UBAC2: variants seen among roughly 807,000 people sequenced by gnomAD.
The protein encoded by UBAC2 is UBA domain containing 2, also known as ubiquitin-associated domain-containing protein 2.
In UBAC2, 26 loss-of-function variants were observed where a neutral mutation model predicts 44.0. The observed-to-expected ratio is 0.59, with a 90% CI of 0.43 to 0.82. UBAC2 has a LOEUF of 0.82. UBAC2 is among the 40% of genes least tolerant of loss of function. The pLI is 0.00. For synonymous variants in UBAC2, 155 were observed against 154.3 expected, an observed-to-expected ratio of 1.00 and a Z score of -0.04; for missense variants, 329 against 419.4, an observed-to-expected ratio of 0.78 and a Z score of 1.88.
In UBAC2 at chr13:99,349,208, G is replaced by C. The variant is rs546113592; in HGVS notation, c.807+8643G>C. On this transcript the variant is annotated intron_variant, in intron 7 of 8. Transcript: ENST00000403766. ...GCAACCTGAGTCTCCACAGCTTCAC[G>C]GTGCATGTCTCCCTCCCTTTGCTCG... Among the ~76,000 whole-genome samples the C allele has an allele frequency of 2.6e-5, 4 of 152,250 alleles. No homozygotes were observed. The South Asian group carries it at 6.2e-4, about 24-fold the overall frequency.
intron 4 of UBAC2, among the ~76,000 whole-genome samples, chr13:99,298,321 G>A (rs1315760810): frequency 6.6e-6 from 1 of 152,106 alleles, no homozygotes; most frequent in Non-Finnish European, 1.5e-5. Context: ...CTTGACTACA[G>A]TGCAGCTAAA....
intron 4 of UBAC2, among the ~76,000 whole-genome samples, chr13:99,251,519 A>G (rs1163250383): frequency 6.6e-6 from 1 of 152,182 alleles, no homozygotes; most frequent in African/African-American, 2.4e-5. Flanking sequence ...TTTTTACAGT[A>G]ATTCTCTTAA....
At chr13:99,345,467 G>A (rs1200768090) in intron 7 of UBAC2, among the ~76,000 whole-genome samples, 1 of 150,810 alleles carries the variant, frequency 6.6e-6, no homozygotes, top group Non-Finnish European at 1.5e-5. Context: ...ACTCTGGATC[G>A]AGCTCTCCTT....
intron 4 of UBAC2, among the ~76,000 whole-genome samples, chr13:99,309,419 G>T (rs1046744454): frequency 6.6e-6 from 1 of 151,170 alleles, no homozygotes; most frequent in Non-Finnish European, 1.5e-5. Flanking sequence ...CCTTTTTTTT[G>T]ATATCAGAGT....
At chr13:99,231,689 A>G (rs766134685) in intron 1 of UBAC2, among the ~76,000 whole-genome samples, 3 of 151,786 alleles carry the variant, frequency 2.0e-5, no homozygotes, top group Non-Finnish European at 4.4e-5. Flanking sequence ...GGGATTATAG[A>G]TGTGAGCCAC....
At chr13:99,357,508 A>G (rs1047252088) in intron 7 of UBAC2, among the ~76,000 whole-genome samples, 33 of 152,242 alleles carry the variant, frequency 2.2e-4, no homozygotes, top group Non-Finnish European at 7.3e-5. Flanking sequence ...AGGACAGCGC[A>G]CTACGCATAG....
intron 7 of UBAC2, among the ~76,000 whole-genome samples, chr13:99,364,057 C>T (rs2045299653): frequency 2.0e-5 from 3 of 152,052 alleles, no homozygotes; most frequent in Admixed American, 2.0e-4. Context: ...CATTTGTAAA[C>T]ACTCTTGGAT....
At chr13:99,219,701 A>G (rs1418594962) in intron 1 of UBAC2, among the ~76,000 whole-genome samples, 1 of 152,216 alleles carries the variant, frequency 6.6e-6, no homozygotes, top group African/African-American at 2.4e-5. Flanking sequence ...ACATCCCTGT[A>G]TTAAGCCGTC....
intron 4 of UBAC2, among the ~76,000 whole-genome samples, chr13:99,302,199 G>A (rs943218101): frequency 6.6e-6 from 1 of 152,198 alleles, no homozygotes; most frequent in Admixed American, 6.5e-5. Flanking sequence ...CTAATTATAT[G>A]TGTATATTGT....
intron 4 of UBAC2, among the ~76,000 whole-genome samples, chr13:99,298,173 G>A (rs1453231703): frequency 1.3e-5 from 2 of 152,120 alleles, no homozygotes; most frequent in African/African-American, 2.4e-5. Context: ...AGAGATTAAA[G>A]ACTTATTTAC....
At position 99,385,240 on chromosome 13, in the gene UBAC2, A is replaced by G; in HGVS notation, c.940A>G (p.Met314Val). ...TCTCTGCCTGCAGGTCGCCCGGCTC[A>G]TGGAGATGGGATTTTCCAGAGGTGA... ...EVSEEQVARL[M>V]EMGFSRGDAL... Residue 314 changes from methionine (M) to valine (V), a missense_variant, in exon 9 of 9, where the codon ATG (methionine) becomes GTG (valine). Met to Val is a conservative substitution (Grantham distance 21). Coordinates refer to ENST00000403766, the MANE Select transcript of UBAC2 (RefSeq NM_001144072.2). 6.2e-7 allele frequency: 1 copy of G among 1,614,090 alleles called. No homozygotes were observed. Among genetic ancestry groups the G allele is most frequent in the Non-Finnish European group, 8.5e-7 (1 of 1,179,972 alleles).
In UBAC2 at chr13:99,244,502, T is replaced by C. The variant is rs1443359785; in HGVS notation, c.280-13T>C. 2 of 1,586,904 alleles carry C rather than the reference T, an allele frequency of 1.3e-6. No individual in the cohort carries two copies. Among genetic ancestry groups the C allele is most frequent in the East Asian group, 4.5e-5 (2 of 44,504 alleles). ...ACTCATCTCTATCATTTTTCTGCTG[T>C]TTTATTTTGTAGTCCTTTTTGCTGG... On this transcript the variant is annotated splice_polypyrimidine_tract_variant and intron_variant, in intron 3 of 8. Transcript: ENST00000403766.
intron 8 of UBAC2, among the ~76,000 whole-genome samples, chr13:99,375,604 C>T (rs951322792): frequency 4.6e-5 from 7 of 152,202 alleles, no homozygotes; most frequent in African/African-American, 1.2e-4. Flanking sequence ...TTGTTTTTGA[C>T]GCACTTAGCT....
At chr13:99,242,709 G>A (rs1159015627) in intron 2 of UBAC2, among the ~76,000 whole-genome samples, 1 of 147,490 alleles carries the variant, frequency 6.8e-6, no homozygotes, top group Non-Finnish European at 1.5e-5. Flanking sequence ...CCTCCCCGAC[G>A]GGGCGGCTGG....
At chr13:99,322,730 T>G (rs2044585326) in intron 6 of UBAC2, among the ~76,000 whole-genome samples, 1 of 152,228 alleles carries the variant, frequency 6.6e-6, no homozygotes, top group Non-Finnish European at 1.5e-5. Context: ...AAATGTGGTC[T>G]GAGTTTGGAT....
intron 7 of UBAC2, chr13:99,356,196 C>T (rs778651718): frequency 1.5e-5 from 8 of 534,694 alleles, no homozygotes; most frequent in South Asian, 9.8e-5. Context: ...TGGAGCTTCC[C>T]GATGTACTCT....
chr13:99,369,849 G>A (rs1485511111), intron 8 of UBAC2, among the ~76,000 whole-genome samples: 1 of 152,196 alleles, frequency 6.6e-6, no homozygotes, highest in African/African-American at 2.4e-5. Context: ...AACATATGCA[G>A]TTACAATCAA....
At chr13:99,278,404 A>G (rs948560771) in intron 4 of UBAC2, among the ~76,000 whole-genome samples, 4 of 152,278 alleles carry the variant, frequency 2.6e-5, no homozygotes, top group South Asian at 4.1e-4. Context: ...CACACCTACA[A>G]TCATCTGTGG....
intron 4 of UBAC2, among the ~76,000 whole-genome samples, chr13:99,250,116 T>C (rs114706094): frequency 1.1e-3 from 173 of 152,352 alleles, no homozygotes; most frequent in African/African-American, 3.7e-3. Flanking sequence ...TTTGAGGACT[T>C]AGTCACAAAT....
Sources: allele counts gnomAD v4.1 joint callset (sites outside exome capture counted in the v4.1 genomes callset), GRCh38; gene constraint gnomAD v4.1.1; transcripts MANE v1.5; gene names NCBI Gene and HGNC (gene_info 2026-07-23, HGNC 2026-07-21).